The following SHISA6 variants were observed in gnomAD, a reference collection of about 807,000 sequenced individuals.
SHISA6 encodes the protein protein shisa-6.
SHISA6 carries 22 observed loss-of-function variants against 47.9 expected under a neutral mutation model. The observed-to-expected ratio is 0.46, with a 90% confidence interval of 0.33 to 0.66. The LOEUF (loss-of-function observed/expected upper bound fraction) is 0.66, where lower values mean the gene tolerates loss of function less well. Among genes scored for constraint, SHISA6 ranks in the 30% least tolerant of loss-of-function variants. SHISA6 has a pLI of 0.02. For synonymous variants in SHISA6, 388 were observed against 337.8 expected, an observed-to-expected ratio of 1.15 and a Z score of -1.63; for missense variants, 680 against 764.6, an observed-to-expected ratio of 0.89 and a Z score of 1.30.
chr17:11,434,676 T>C (rs1005202615), intron 3 of SHISA6, among the ~76,000 whole-genome samples: 1 of 152,198 alleles, frequency 6.6e-6, no homozygotes, highest in African/African-American at 2.4e-5. Context: ...ATAAGACATA[T>C]AAGTTTTATG....
In SHISA6 at chr17:11,560,677, GC is replaced by G; in HGVS notation, c.*2378del. On this transcript the variant is annotated 3_prime_UTR_variant, in exon 6 of 6. Transcript: ENST00000441885. The stretch of plus-strand genomic sequence containing the variant: ...AAGCTTCTCAGCACCAAGTTCTCCA[GC>G]CCCCAGGGTGACACTTTTCCCCAGG... 6.6e-6 allele frequency: 1 copy of G among 152,306 alleles called. No individual in the cohort carries two copies. The highest frequency in any genetic ancestry group is 1.5e-5 in the Non-Finnish European group (1 of 68,108). The allele number at this position is 152,306 out of a possible 1,614,324, so 9.4% of individuals were successfully genotyped here.
intron 3 of SHISA6, among the ~76,000 whole-genome samples, chr17:11,526,926 T>TATATATATATATATAC (rs1287216060): frequency 1.1e-4 from 3 of 27,160 alleles, no homozygotes; most frequent in African/African-American, 5.2e-4. Context: ...TATATATATA[T>TATATATATATATATAC]ATATATATAT....
At chr17:11,462,548 A>C (rs1915717981) in intron 3 of SHISA6, among the ~76,000 whole-genome samples, 1 of 152,174 alleles carries the variant, frequency 6.6e-6, no homozygotes. Context: ...GGCAACCCTC[A>C]ATAAGAGCTT....
intron 3 of SHISA6, among the ~76,000 whole-genome samples, chr17:11,551,213 C>T (rs2071929229): frequency 6.6e-6 from 1 of 152,172 alleles, no homozygotes; most frequent in Non-Finnish European, 1.5e-5. Context: ...GCTTTTGGAA[C>T]GCCTTGAACT....
chr17:11,332,473 A>G (rs1416643347), intron 2 of SHISA6, among the ~76,000 whole-genome samples: 1 of 152,038 alleles, frequency 6.6e-6, no homozygotes, highest in Non-Finnish European at 1.5e-5. Flanking sequence ...GGCTCCCAAA[A>G]CTTTTGAAAA....
At chr17:11,332,794 C>A (rs1239330729) in intron 2 of SHISA6, among the ~76,000 whole-genome samples, 1 of 152,292 alleles carries the variant, frequency 6.6e-6, no homozygotes, top group Non-Finnish European at 1.5e-5. Flanking sequence ...CTTTAGGAAA[C>A]AATTCCAATA....
At chr17:11,393,477 C>A (rs991437236) in intron 3 of SHISA6, among the ~76,000 whole-genome samples, 1 of 152,202 alleles carries the variant, frequency 6.6e-6, no homozygotes, top group African/African-American at 2.4e-5. Context: ...AGCAGCCAGA[C>A]TGATCTAACT....
rs1223466748 is a variant in SHISA6 at position 11,466,480 on chromosome 17, A to C, written c.896-85416A>C. The stretch of plus-strand genomic sequence containing the variant: ...ATCTGCAAAGTCCCTTTTGCCATGG[A>C]AGGTAACTTATTCACACACTTCAGG... On this transcript the variant is annotated intron_variant, in intron 3 of 5. Coordinates refer to ENST00000441885, the MANE Select transcript of SHISA6 (RefSeq NM_207386.4). 5.3e-5 allele frequency among the ~76,000 whole-genome samples: 8 copies of C among 152,154 alleles called. No individual in the cohort carries two copies. The East Asian group carries it at 1.5e-3, about 29-fold the overall frequency.
chr17:11,277,318 A>ACACCCC (rs1389004430), intron 2 of SHISA6, among the ~76,000 whole-genome samples: 2 of 127,988 alleles, frequency 1.6e-5, no homozygotes, highest in African/African-American at 6.2e-5. Flanking sequence ...ACACACACAC[A>ACACCCC]CCCCGCATGT....
At chr17:11,423,792 A>C (rs1026776905) in intron 3 of SHISA6, among the ~76,000 whole-genome samples, 37 of 152,044 alleles carry the variant, frequency 2.4e-4, no homozygotes, top group Non-Finnish European at 5.4e-4. Flanking sequence ...TAATTCAATA[A>C]AAATGTAAAG....
At chr17:11,354,148 G>A (rs1303952338) in intron 2 of SHISA6, among the ~76,000 whole-genome samples, 1 of 152,122 alleles carries the variant, frequency 6.6e-6, no homozygotes, top group East Asian at 1.9e-4. Flanking sequence ...ATCCTCTGTT[G>A]GGGCAAAATC....
At chr17:11,370,823 C>T (rs1912610706) in intron 2 of SHISA6, among the ~76,000 whole-genome samples, 1 of 152,104 alleles carries the variant, frequency 6.6e-6, no homozygotes, top group Non-Finnish European at 1.5e-5. Flanking sequence ...GTAAGGTGGT[C>T]CCTGAATGGT....
chr17:11,308,564 C>G (rs1910210061), intron 2 of SHISA6, among the ~76,000 whole-genome samples: 1 of 152,178 alleles, frequency 6.6e-6, no homozygotes, highest in African/African-American at 2.4e-5. Flanking sequence ...CTAAACACCC[C>G]AGATACTGTG....
intron 2 of SHISA6, among the ~76,000 whole-genome samples, chr17:11,265,402 A>G (rs1247691708): frequency 6.6e-6 from 1 of 152,170 alleles, no homozygotes; most frequent in Non-Finnish European, 1.5e-5. Context: ...GACTGACTGA[A>G]TTGATGTGGA....
chr17:11,321,132 A>G (rs1047207746), intron 2 of SHISA6, among the ~76,000 whole-genome samples: 1 of 152,220 alleles, frequency 6.6e-6, no homozygotes. Context: ...TTGTCATTGT[A>G]TTGGCCTTGA....
rs117802246 is a variant in SHISA6 at position 11,387,482 on chromosome 17, C to T, written c.895+7973C>T. On this transcript the variant is annotated intron_variant, in intron 3 of 5. Coordinates refer to ENST00000441885, the MANE Select transcript of SHISA6 (RefSeq NM_207386.4). Reference sequence around the variant, plus strand: ...GCTGTGGGGCTGGAGGGATTCTAGACGCTAGGCTGATGGCACCTGCTATAT... The same window carrying T: ...GCTGTGGGGCTGGAGGGATTCTAGATGCTAGGCTGATGGCACCTGCTATAT... Among the ~76,000 whole-genome samples the T allele has an allele frequency of 1.6e-3, 237 of 152,204 alleles. 6 individuals carry two copies. The East Asian group carries it at 0.039, about 25-fold the overall frequency.
Position 11,485,068 on chromosome 17 carries a change from T to TA in SHISA6, c.896-66823dup, listed in dbSNP as rs1916313809. Among the ~76,000 whole-genome samples, 7 of 152,338 alleles carry TA rather than the reference T, an allele frequency of 4.6e-5. No homozygotes were observed. In the East Asian group the frequency reaches 1.4e-3, roughly 29 times the overall value. ...TCTTTTCAAATATCCCCCTAATTTT[T>TA]AAAAAGGACCAACCTTTTTCCTTGA... is the stretch of plus-strand genomic sequence containing the variant. On this transcript the variant is annotated intron_variant, in intron 3 of 5. Coordinates refer to ENST00000441885, the MANE Select transcript of SHISA6 (RefSeq NM_207386.4).
Position 11,271,579 on chromosome 17 carries a change from A to G in SHISA6, c.799+8053A>G, listed in dbSNP as rs570468981. Reference sequence around the variant, plus strand: ...CAGCCTCCCAAGTAGCTGGAATTACAGGTGCACACCACCACGCCTGGCTTT... The same window carrying G: ...CAGCCTCCCAAGTAGCTGGAATTACGGGTGCACACCACCACGCCTGGCTTT... On this transcript the variant is annotated intron_variant, in intron 2 of 5. Coordinates refer to ENST00000441885, the MANE Select transcript of SHISA6 (RefSeq NM_207386.4). Among the ~76,000 whole-genome samples, 11 of 147,176 alleles carry G rather than the reference A, an allele frequency of 7.5e-5. No individual in the cohort carries two copies. In the South Asian group the frequency reaches 2.1e-3, roughly 29 times the overall value.
chr17:11,458,617 A>T (rs1915613333), intron 3 of SHISA6, among the ~76,000 whole-genome samples: 1 of 151,872 alleles, frequency 6.6e-6, no homozygotes, highest in Non-Finnish European at 1.5e-5. Context: ...CCCTCTGCAA[A>T]CTCTCAGGCT....
Sources: gnomAD v4.1 joint callset for allele counts (sites outside exome capture counted in the v4.1 genomes callset) on GRCh38, gnomAD v4.1.1 for gene constraint, MANE v1.5 for transcripts, NCBI Gene and HGNC (gene_info 2026-07-23, HGNC 2026-07-21) for gene names.